The following ZNF708 variants were observed in gnomAD, a reference collection of about 807,000 sequenced individuals.
ZNF708 encodes the protein ZNF15, ZNF15L1.
ZNF708 carries 44 observed loss-of-function variants against 47.0 expected under a neutral mutation model. The ratio of observed to expected loss-of-function variants is 0.94; its 90% confidence interval spans 0.74 to 1.20. ZNF708 has a LOEUF of 1.20. ZNF708 is among the 50% of genes most tolerant of loss of function. ZNF708 has a pLI of 0.00. For missense variants in ZNF708, 557 were observed against 656.0 expected (o/e 0.85, Z 1.65); for synonymous variants, 184 against 218.5 (o/e 0.84, Z 1.39).
intron 1 of ZNF708, among the ~76,000 whole-genome samples, chr19:21,324,339 G>A (rs1251711596): frequency 2.6e-5 from 4 of 152,160 alleles, no homozygotes; most frequent in African/African-American, 7.2e-5. Context: ...AGGCCGAGGC[G>A]GGCAGATCAC....
rs879152561 is a variant in ZNF708, at chr19:21,294,177, C to T, written c.789G>A (p.Arg263=). The T allele has an allele frequency of 2.5e-6, 4 of 1,611,218 alleles. No homozygotes were observed. The South Asian group carries it at 3.3e-5, about 13-fold the overall frequency. The stretch of plus-strand genomic sequence containing the variant: ...TCTTATGTTTAGTAAGGTTTGAGGA[C>T]CGGTTAAAAGCTTTGCCACATTCTT... ...KCEECGKAFN[R]SSNLTKHKIV... is the part of the protein sequence containing the mutation. The change falls in exon 4 of 4, where the codon CGG becomes CGA. Residue 263 remains arginine (R), a synonymous_variant. Coordinates refer to ENST00000356929, the MANE Select transcript of ZNF708 (RefSeq NM_021269.3).
chr19:21,308,569 G>A (rs1037668551), intron 3 of ZNF708, among the ~76,000 whole-genome samples: 3 of 152,072 alleles, frequency 2.0e-5, no homozygotes, highest in East Asian at 1.9e-4. Context: ...GTGAGCCACC[G>A]TGCCCAGCCC....
At chr19:21,313,757 C>CA (rs71176848) in intron 1 of ZNF708, among the ~76,000 whole-genome samples, 17,647 of 109,632 alleles carry the variant, frequency 0.16, 1,534 homozygotes, top group Non-Finnish European at 0.24. Context: ...GACTATGTCT[C>CA]AAAAAAAAAA....
rs141957060 is a variant in ZNF708 at position 21,293,493 on chromosome 19, A to T, written c.1473T>A (p.Leu491=). 45 of 1,613,616 alleles carry T rather than the reference A, an allele frequency of 2.8e-5. No individual in the cohort carries two copies. The African/African-American group carries it at 5.5e-4, about 20-fold the overall frequency. ...CGKSFILSSH[L]TTHKIIHTGE... is the part of the protein sequence containing the mutation. ...CAGTATGAATTATCTTATGTGTAGT[A>T]AGATGAGAGGACAGAATAAAGCTTT... Residue 491 remains leucine, a synonymous_variant, in exon 4 of 4, where the codon CTT becomes CTA. Transcript: ENST00000356929.
intron 1 of ZNF708, chr19:21,328,185 T>TAA (rs72487226): frequency 5.1e-4 from 77 of 152,296 alleles, no homozygotes; most frequent in African/African-American, 1.9e-3. Context: ...CTGAGGAAGA[T>TAA]AAAAAAAAAA....
At chr19:21,314,875 A>G (rs1165716162) in intron 1 of ZNF708, among the ~76,000 whole-genome samples, 1 of 152,170 alleles carries the variant, frequency 6.6e-6, no homozygotes, top group African/African-American at 2.4e-5. Context: ...CAAATGTCTC[A>G]AAAATGCCTA....
intron 3 of ZNF708, among the ~76,000 whole-genome samples, chr19:21,308,708 C>A (rs529491944): frequency 3.9e-4 from 60 of 152,244 alleles, no homozygotes; most frequent in Non-Finnish European, 6.9e-4. Context: ...ACTGCCCCCC[C>A]AGCCAAAACT....
intron 3 of ZNF708, among the ~76,000 whole-genome samples, chr19:21,305,359 A>T (rs1972738503): frequency 6.6e-6 from 1 of 152,022 alleles, no homozygotes; most frequent in South Asian, 2.1e-4. Context: ...TTTTTCAAAG[A>T]CATTACTATG....
Position 21,293,265 on chromosome 19 carries a change from T to A in ZNF708, c.*9A>T, listed in dbSNP as rs759200177. On this transcript the variant is annotated 3_prime_UTR_variant, in exon 4 of 4. Transcript: ENST00000356929. The stretch of plus-strand genomic sequence containing the variant: ...TAAAAGTTGAAAATACACTAAAGGA[T>A]TTGACACATTATTTACATTTGTAGG... 4 of 1,597,358 alleles carry A rather than the reference T, an allele frequency of 2.5e-6. No individual in the cohort carries two copies. In the East Asian group the frequency reaches 8.9e-5, roughly 36 times the overall value.
chr19:21,302,507 G>A (rs957160405), intron 3 of ZNF708, among the ~76,000 whole-genome samples: 3 of 151,970 alleles, frequency 2.0e-5, no homozygotes, highest in Non-Finnish European at 4.4e-5. Flanking sequence ...AGACCAGACT[G>A]CCCAACATGG....
Position 21,329,124 on chromosome 19 carries a change from G to A in ZNF708, c.3+86C>T, listed in dbSNP as rs1165982996. ...GAGCGCAGATTGTGGAGATGACTGC[G>A]GGGAGTCCTGAGTCCCGCCACAGCC... On this transcript the variant is annotated intron_variant, in intron 1 of 3. Transcript: ENST00000356929. 2.5e-6 allele frequency: 4 copies of A among 1,569,486 alleles called. No individual in the cohort carries two copies. The African/African-American group carries it at 5.4e-5, about 21-fold the overall frequency.
intron 1 of ZNF708, among the ~76,000 whole-genome samples, chr19:21,326,834 T>C (rs1174337762): frequency 6.6e-6 from 1 of 152,064 alleles, no homozygotes; most frequent in Non-Finnish European, 1.5e-5. Context: ...CCCGGGAGGC[T>C]GAGGCAGAAG....
intron 1 of ZNF708, among the ~76,000 whole-genome samples, chr19:21,322,884 T>TA (rs1411054554): frequency 6.6e-6 from 1 of 152,230 alleles, no homozygotes; most frequent in African/African-American, 2.4e-5. Context: ...ACACTGTCCT[T>TA]ACGGCAGATG....
chr19:21,307,126 T>A (rs886735425), intron 3 of ZNF708, among the ~76,000 whole-genome samples: 17 of 134,228 alleles, frequency 1.3e-4, no homozygotes, highest in Non-Finnish European at 1.9e-4. Flanking sequence ...AAATATAAAA[T>A]AAAAAATAAA....
At chr19:21,309,576 T>C (rs946917441) in intron 2 of ZNF708, among the ~76,000 whole-genome samples, 1 of 152,044 alleles carries the variant, frequency 6.6e-6, no homozygotes, top group African/African-American at 2.4e-5. Context: ...GATATGGTGG[T>C]GCACACCTGT....
At position 21,293,661 on chromosome 19, in the gene ZNF708, A is replaced by C; in HGVS notation, c.1305T>G (p.Leu435=). Residue 435 remains leucine, a synonymous_variant, in exon 4 of 4, where the codon CTT becomes CTG. Transcript: ENST00000356929. The part of the protein sequence containing the change: ...CGKAFSIFSI[L]TKHKVIHTED... ...CAGTATGAATTACTTTATGTTTAGT[A>C]AGGATTGAGAATATACTAAAGGCTT... 1 of 1,612,386 alleles carries C rather than the reference A, an allele frequency of 6.2e-7. No homozygotes were observed. Among genetic ancestry groups the C allele is most frequent in the Non-Finnish European group, 8.5e-7 (1 of 1,179,562 alleles).
At chr19:21,297,995 G>A (rs1972575979) in intron 3 of ZNF708, among the ~76,000 whole-genome samples, 1 of 150,272 alleles carries the variant, frequency 6.7e-6, no homozygotes, top group Non-Finnish European at 1.5e-5. Context: ...GTGTGTGTAT[G>A]TGTACAGACG....
intron 3 of ZNF708, among the ~76,000 whole-genome samples, chr19:21,295,605 C>T (rs1365586279): frequency 3.9e-5 from 6 of 152,196 alleles, no homozygotes; most frequent in Admixed American, 1.3e-4. Flanking sequence ...ATTAGCTGGG[C>T]ATGGTGGCAC....
rs571596457 is a variant in ZNF708, at chr19:21,310,225, C to A, written c.130+276G>T. ...ACTTTGGGAGGCTGAGGCGGGCAGACCCTGAGGTCAGGAGTTCGAGATCAG... is the reference window on the plus strand; with the variant it reads ...ACTTTGGGAGGCTGAGGCGGGCAGAACCTGAGGTCAGGAGTTCGAGATCAG... On this transcript the variant is annotated intron_variant, in intron 2 of 3. Transcript: ENST00000356929. Among the ~76,000 whole-genome samples the A allele has an allele frequency of 1.3e-3, 190 of 151,776 alleles. No homozygotes were observed. In the South Asian group the frequency reaches 0.013, roughly 11 times the overall value.
Sources: gnomAD v4.1 joint callset for allele counts (sites outside exome capture counted in the v4.1 genomes callset) on GRCh38, gnomAD v4.1.1 for gene constraint, MANE v1.5 for transcripts, NCBI Gene and HGNC (gene_info 2026-07-23, HGNC 2026-07-21) for gene names.